RGS6: variants seen among roughly 807,000 people sequenced by gnomAD.
RGS6 encodes the protein regulator of G protein signaling 6.
In RGS6, 30 loss-of-function variants were observed where a neutral mutation model predicts 78.5. The observed-to-expected ratio is 0.38, with a 90% confidence interval of 0.29 to 0.52. The LOEUF is 0.52. Ranked by LOEUF, RGS6 falls within the 20% of genes least tolerant of loss-of-function variation. The pLI is 0.85. For synonymous variants in RGS6, 206 were observed against 206.0 expected, an observed-to-expected ratio of 1.00 and a Z score of 0.00; for missense variants, 495 against 609.7, an observed-to-expected ratio of 0.81 and a Z score of 1.98.
chr14:72,018,191 C>CATGT (rs2087506025), intron 2 of RGS6, among the ~76,000 whole-genome samples: 3 of 32,130 alleles, frequency 9.3e-5, no homozygotes, highest in African/African-American at 7.9e-4. Context: ...GAAGTCTTTT[C>CATGT]TTGTTTGTTT....
chr14:72,353,411 T>C (rs2079527386), intron 3 of RGS6, among the ~76,000 whole-genome samples: 1 of 152,206 alleles, frequency 6.6e-6, no homozygotes, highest in South Asian at 2.1e-4. Flanking sequence ...CTATTGATAC[T>C]GGTAGCAACT....
intron 12 of RGS6, among the ~76,000 whole-genome samples, chr14:72,492,551 C>T (rs964002236): frequency 1.3e-5 from 2 of 152,104 alleles, no homozygotes; most frequent in African/African-American, 4.8e-5. Context: ...CTATGACTTA[C>T]GTCGGGGGAG....
At chr14:72,264,111 C>T (rs2058642304) in intron 2 of RGS6, among the ~76,000 whole-genome samples, 1 of 152,200 alleles carries the variant, frequency 6.6e-6, no homozygotes, top group Admixed American at 6.5e-5. Flanking sequence ...TATATCAGTT[C>T]AGGTCAGGTT....
At chr14:72,574,889 C>A in the RGS6 span, among the ~76,000 whole-genome samples, 1 of 152,054 alleles carries the variant, frequency 6.6e-6, no homozygotes, top group Non-Finnish European at 1.5e-5. Context: ...CATGATGGCG[C>A]AAACCAGGTT....
intron 16 of RGS6, among the ~76,000 whole-genome samples, chr14:72,536,681 C>T (rs1264355543): frequency 1.3e-5 from 2 of 152,162 alleles, no homozygotes; most frequent in Admixed American, 1.3e-4. Context: ...TCTCCCTGAC[C>T]AGCCCAGAGA....
chr14:71,938,870 A>G (rs552892908), intron 1 of RGS6, among the ~76,000 whole-genome samples: 1 of 152,304 alleles, frequency 6.6e-6, no homozygotes, highest in East Asian at 1.9e-4. Context: ...GAGAGTAGTT[A>G]CCTGCAGAAG....
chr14:72,462,083 A>G (rs1245229450), intron 6 of RGS6, among the ~76,000 whole-genome samples: 1 of 152,152 alleles, frequency 6.6e-6, no homozygotes, highest in Non-Finnish European at 1.5e-5. Flanking sequence ...TCAATATAGT[A>G]TGATTTGGAC....
chr14:72,455,252 C>T (rs2095601821), intron 4 of RGS6, among the ~76,000 whole-genome samples: 1 of 152,136 alleles, frequency 6.6e-6, no homozygotes, highest in South Asian at 2.1e-4. Flanking sequence ...TACTCCTTTG[C>T]CTTGATTAAC....
At chr14:71,954,478 T>C (rs2092634448) in intron 1 of RGS6, among the ~76,000 whole-genome samples, 1 of 152,202 alleles carries the variant, frequency 6.6e-6, no homozygotes, top group Non-Finnish European at 1.5e-5. Flanking sequence ...TGTATACTTA[T>C]GGGGTACATG....
intron 2 of RGS6, among the ~76,000 whole-genome samples, chr14:72,207,001 T>C (rs962783388): frequency 1.3e-5 from 2 of 152,206 alleles, no homozygotes; most frequent in Non-Finnish European, 2.9e-5. Context: ...CTGTGTATCC[T>C]TGCATATTGT....
chr14:71,900,298 A>G, the RGS6 span, among the ~76,000 whole-genome samples: 1 of 152,150 alleles, frequency 6.6e-6, no homozygotes, highest in African/African-American at 2.4e-5. Flanking sequence ...CTGAATGTGG[A>G]GCACATTTTG....
At chr14:72,556,891 T>C (rs1380817934) in intron 17 of RGS6, among the ~76,000 whole-genome samples, 5 of 152,224 alleles carry the variant, frequency 3.3e-5, no homozygotes, top group Admixed American at 3.3e-4. Flanking sequence ...TATTGTTTTA[T>C]GTTTGTGATA....
At chr14:72,189,650 A>G (rs908522153) in intron 2 of RGS6, among the ~76,000 whole-genome samples, 1 of 152,174 alleles carries the variant, frequency 6.6e-6, no homozygotes, top group African/African-American at 2.4e-5. Context: ...AGCTCTGAAG[A>G]ATAGATTTTC....
At chr14:72,213,917 T>A (rs1370369414) in intron 2 of RGS6, among the ~76,000 whole-genome samples, 1 of 152,220 alleles carries the variant, frequency 6.6e-6, no homozygotes, top group East Asian at 1.9e-4. Flanking sequence ...ACTGTGTACA[T>A]TGAACACGAT....
At chr14:72,103,065 C>T (rs1451355717) in intron 2 of RGS6, among the ~76,000 whole-genome samples, 3 of 152,150 alleles carry the variant, frequency 2.0e-5, no homozygotes, top group East Asian at 1.9e-4. Flanking sequence ...TTGAGACCTC[C>T]GTTATTTCAG....
intron 15 of RGS6, among the ~76,000 whole-genome samples, chr14:72,521,812 T>C (rs925597046): frequency 1.3e-5 from 2 of 152,176 alleles, no homozygotes; most frequent in Non-Finnish European, 2.9e-5. Context: ...AGCCTACACA[T>C]AGGGGTGGAA....
At chr14:72,354,685 C>G (rs144115784) in intron 3 of RGS6, among the ~76,000 whole-genome samples, 1 of 151,942 alleles carries the variant, frequency 6.6e-6, no homozygotes, top group African/African-American at 2.4e-5. Flanking sequence ...GTAATAATTC[C>G]ATTTGTGAGG....
chr14:72,234,427 AC>A (rs908650427), intron 2 of RGS6, among the ~76,000 whole-genome samples: 6 of 152,188 alleles, frequency 3.9e-5, no homozygotes, highest in African/African-American at 9.7e-5. Flanking sequence ...GAAAAAAAAA[AC>A]AATTCTGTGA....
At chr14:72,311,112 T>C (rs2068515908) in intron 2 of RGS6, among the ~76,000 whole-genome samples, 1 of 152,240 alleles carries the variant, frequency 6.6e-6, no homozygotes, top group African/African-American at 2.4e-5. Flanking sequence ...TTTTTAGTCC[T>C]AATTTCCTAC....
Sources: allele counts gnomAD v4.1 joint callset (sites outside exome capture counted in the v4.1 genomes callset), GRCh38; gene constraint gnomAD v4.1.1; transcripts MANE v1.5; gene names NCBI Gene and HGNC (gene_info 2026-07-23, HGNC 2026-07-21).